MYRIP: variants seen among roughly 807,000 people sequenced by gnomAD.
The protein encoded by MYRIP is myosin VIIA and Rab interacting protein.
Under a neutral mutation model 98.0 loss-of-function variants are expected in MYRIP, and 49 were observed. The observed-to-expected ratio is 0.50, with a 90% confidence interval of 0.40 to 0.63. The LOEUF (loss-of-function observed/expected upper bound fraction) is 0.63, where lower values mean the gene tolerates loss of function less well. Ranked by LOEUF, MYRIP falls within the 30% of genes least tolerant of loss-of-function variation. The probability of loss-of-function intolerance (pLI) is 0.00; values close to 1 mark genes in which losing one functional copy is unlikely to be tolerated. For synonymous variants in MYRIP, 404 were observed against 409.5 expected (o/e 0.99, Z 0.16); for missense variants, 1,004 against 1,058.2 (o/e 0.95, Z 0.71).
chr3:40,221,919 G>A (rs751600227), intron 11 of MYRIP, among the ~76,000 whole-genome samples: 2 of 152,188 alleles, frequency 1.3e-5, no homozygotes, highest in Non-Finnish European at 2.9e-5. Flanking sequence ...TGGAGATACG[G>A]GGAGATGGAG....
intron 2 of MYRIP, among the ~76,000 whole-genome samples, chr3:39,998,650 A>C (rs1261820107): frequency 2.0e-5 from 3 of 151,162 alleles, no homozygotes; most frequent in Non-Finnish European, 4.4e-5. Flanking sequence ...GCTACCAATG[A>C]CTTTCTTCAC....
chr3:39,815,444 T>A (rs1940871523), intron 1 of MYRIP, among the ~76,000 whole-genome samples: 1 of 152,204 alleles, frequency 6.6e-6, no homozygotes, highest in Admixed American at 6.5e-5. Context: ...CACATACATA[T>A]CACATCTTAG....
intron 2 of MYRIP, among the ~76,000 whole-genome samples, chr3:40,040,970 T>A (rs1947502677): frequency 3.0e-5 from 1 of 33,210 alleles, no homozygotes; most frequent in African/African-American, 7.8e-5. Flanking sequence ...ACCCTAAAAC[T>A]TAGAGTATAA....
intron 3 of MYRIP, among the ~76,000 whole-genome samples, chr3:40,094,088 G>C (rs994670591): frequency 5.3e-5 from 8 of 151,876 alleles, no homozygotes; most frequent in African/African-American, 1.9e-4. Context: ...CTGCTGTTCA[G>C]ACCTCCCCTC....
intron 2 of MYRIP, among the ~76,000 whole-genome samples, chr3:39,966,359 G>A (rs1393262921): frequency 5.3e-5 from 8 of 152,238 alleles, no homozygotes; most frequent in East Asian, 1.9e-4. Flanking sequence ...CAGATAATAC[G>A]CATTTGAAAA....
chr3:40,114,896 T>C (rs1949239342), intron 3 of MYRIP, among the ~76,000 whole-genome samples: 1 of 152,188 alleles, frequency 6.6e-6, no homozygotes, highest in African/African-American at 2.4e-5. Context: ...AAATATGTGA[T>C]ATAGAAATGC....
At chr3:40,218,628 AT>A (rs1328799627) in intron 11 of MYRIP, among the ~76,000 whole-genome samples, 6 of 19,128 alleles carry the variant, frequency 3.1e-4, no homozygotes, top group African/African-American at 4.3e-4. Context: ...ATATATATAT[AT>A]ATATATATAT....
intron 2 of MYRIP, among the ~76,000 whole-genome samples, chr3:39,910,287 C>CA (rs2125679748): frequency 6.6e-6 from 1 of 152,320 alleles, no homozygotes; most frequent in South Asian, 2.1e-4. Context: ...AATTCAAACT[C>CA]AGGCGGAGCA....
intron 9 of MYRIP, among the ~76,000 whole-genome samples, chr3:40,186,198 C>G (rs998629846): frequency 6.6e-6 from 1 of 152,124 alleles, no homozygotes; most frequent in African/African-American, 2.4e-5. Flanking sequence ...GTCCAGAGAG[C>G]AGCCTCAGTG....
chr3:39,940,003 A>G (rs1221374224), intron 2 of MYRIP, among the ~76,000 whole-genome samples: 1 of 152,082 alleles, frequency 6.6e-6, no homozygotes, highest in Non-Finnish European at 1.5e-5. Context: ...CTTATTAGAC[A>G]CCTGTTTTTA....
chr3:39,961,216 C>T (rs1431611150), intron 2 of MYRIP, among the ~76,000 whole-genome samples: 1 of 151,934 alleles, frequency 6.6e-6, no homozygotes, highest in Non-Finnish European at 1.5e-5. Context: ...GGCAATTTTC[C>T]TTGAGTTTTT....
At chr3:40,179,560 T>C (rs1320738917) in intron 8 of MYRIP, among the ~76,000 whole-genome samples, 1 of 152,186 alleles carries the variant, frequency 6.6e-6, no homozygotes. Context: ...TGATTTACAG[T>C]GAGAAGCTTG....
At chr3:39,986,155 T>C (rs1263109244) in intron 2 of MYRIP, among the ~76,000 whole-genome samples, 2 of 152,152 alleles carry the variant, frequency 1.3e-5, no homozygotes, top group East Asian at 3.9e-4. Context: ...TACTATTACT[T>C]GCTAGTGTTA....
At chr3:39,899,322 G>T (rs1231597093) in intron 1 of MYRIP, among the ~76,000 whole-genome samples, 4 of 152,102 alleles carry the variant, frequency 2.6e-5, no homozygotes, top group Non-Finnish European at 5.9e-5. Context: ...TGCCACTGTG[G>T]TAGAATATTC....
chr3:39,936,740 C>G (rs1029487511), intron 2 of MYRIP, among the ~76,000 whole-genome samples: 1 of 152,112 alleles, frequency 6.6e-6, no homozygotes, highest in African/African-American at 2.4e-5. Context: ...TTGCTTCAGC[C>G]TGGCAGATTC....
chr3:39,815,516 G>A (rs1161761162), intron 1 of MYRIP, among the ~76,000 whole-genome samples: 5 of 151,922 alleles, frequency 3.3e-5, no homozygotes, highest in Admixed American at 3.3e-4. Flanking sequence ...CTCTCCTCTA[G>A]CTACATTTTT....
chr3:39,991,419 AC>A (rs953518977), intron 2 of MYRIP, among the ~76,000 whole-genome samples: 7 of 152,154 alleles, frequency 4.6e-5, no homozygotes, highest in African/African-American at 1.7e-4. Context: ...GTGACTTCCA[AC>A]TCAGAAGTGT....
intron 2 of MYRIP, among the ~76,000 whole-genome samples, chr3:39,959,049 A>G (rs1373046257): frequency 6.6e-6 from 1 of 152,226 alleles, no homozygotes; most frequent in African/African-American, 2.4e-5. Context: ...GAGGATGTGG[A>G]GAAATAGGAA....
intron 1 of MYRIP, among the ~76,000 whole-genome samples, chr3:39,889,344 C>T (rs1250384185): frequency 6.6e-6 from 1 of 152,118 alleles, no homozygotes; most frequent in African/African-American, 2.4e-5. Flanking sequence ...GAATATTATG[C>T]AGCCATAAAA....
Sources: allele counts gnomAD v4.1 joint callset (sites outside exome capture counted in the v4.1 genomes callset), GRCh38; gene constraint gnomAD v4.1.1; transcripts MANE v1.5; gene names NCBI Gene and HGNC (gene_info 2026-07-23, HGNC 2026-07-21).